The following GALNTL6 variants were observed in gnomAD, a reference collection of about 807,000 sequenced individuals.
GALNTL6 encodes polypeptide N-acetylgalactosaminyltransferase like 6.
In GALNTL6, 46 loss-of-function variants were observed where a neutral mutation model predicts 73.7. That is an observed-to-expected ratio of 0.62 (90% CI 0.49 to 0.80). GALNTL6 has a LOEUF of 0.80. Ranked by LOEUF, GALNTL6 falls within the 30% of genes least tolerant of loss-of-function variation. The pLI is 0.00. For missense variants in GALNTL6, 604 were observed against 755.0 expected (o/e 0.80, Z 2.34); for synonymous variants, 259 against 263.7 (o/e 0.98, Z 0.17).
intron 5 of GALNTL6, among the ~76,000 whole-genome samples, chr4:172,441,574 A>G (rs1731839408): frequency 6.6e-6 from 1 of 152,038 alleles, no homozygotes; most frequent in Non-Finnish European, 1.5e-5. Flanking sequence ...CTGTTTGCTG[A>G]TGATTTTGCT....
intron 8 of GALNTL6, among the ~76,000 whole-genome samples, chr4:172,923,048 C>T (rs1037404936): frequency 1.3e-5 from 2 of 152,156 alleles, no homozygotes; most frequent in African/African-American, 2.4e-5. Flanking sequence ...CAGGAAGGAC[C>T]GCTCCTTAAG....
At chr4:173,019,777 C>T (rs1314081958) in intron 11 of GALNTL6, among the ~76,000 whole-genome samples, 5 of 152,322 alleles carry the variant, frequency 3.3e-5, no homozygotes, top group East Asian at 1.9e-4. Flanking sequence ...TTCACATGCT[C>T]GTTTAGGTCA....
At chr4:172,480,706 T>C (rs1181066465) in intron 5 of GALNTL6, among the ~76,000 whole-genome samples, 9 of 152,222 alleles carry the variant, frequency 5.9e-5, no homozygotes, top group Non-Finnish European at 1.3e-4. Context: ...GTATTTCTGG[T>C]ATCTACTGGT....
intron 8 of GALNTL6, among the ~76,000 whole-genome samples, chr4:172,911,985 A>G (rs1747226463): frequency 6.6e-6 from 1 of 152,134 alleles, no homozygotes; most frequent in Non-Finnish European, 1.5e-5. Flanking sequence ...TTTTTTTCCA[A>G]AGTTTTCTAT....
At chr4:172,551,476 T>G (rs1735952323) in intron 5 of GALNTL6, among the ~76,000 whole-genome samples, 1 of 152,056 alleles carries the variant, frequency 6.6e-6, no homozygotes, top group Admixed American at 6.5e-5. Flanking sequence ...AATTTTAAAA[T>G]CATAAAATTC....
chr4:171,957,943 T>G (rs1739101263), intron 2 of GALNTL6, among the ~76,000 whole-genome samples: 1 of 152,152 alleles, frequency 6.6e-6, no homozygotes, highest in East Asian at 1.9e-4. Context: ...TTGTGATAAC[T>G]GGGGATCAAT....
At chr4:172,316,845 A>G (rs182904971) in intron 4 of GALNTL6, among the ~76,000 whole-genome samples, 92 of 152,376 alleles carry the variant, frequency 6.0e-4, no homozygotes, top group African/African-American at 2.2e-3. Context: ...GCTGGATAGC[A>G]TAATCAAAAT....
At position 172,267,790 on chromosome 4, in the gene GALNTL6, G is replaced by A. The variant is rs57216658; in HGVS notation, c.247+38026G>A. On this transcript the variant is annotated intron_variant, in intron 3 of 12. Coordinates refer to ENST00000506823, the MANE Select transcript of GALNTL6 (RefSeq NM_001034845.3). Reference sequence around the variant, plus strand: ...GGCATATTTTTTTCTCCTATGTGTAGCCTTGTTCTTGGAAGTATATGAATT... The same window carrying A: ...GGCATATTTTTTTCTCCTATGTGTAACCTTGTTCTTGGAAGTATATGAATT... Among the ~76,000 whole-genome samples the A allele has an allele frequency of 5.3e-3, 800 of 152,140 alleles. 10 individuals carry two copies. The highest frequency in any genetic ancestry group is 0.018 in the African/African-American group (758 of 41,506).
At chr4:172,597,582 C>G (rs1328293045) in intron 5 of GALNTL6, among the ~76,000 whole-genome samples, 1 of 152,082 alleles carries the variant, frequency 6.6e-6, no homozygotes, top group East Asian at 1.9e-4. Flanking sequence ...TTTGAGTTTT[C>G]TAAGAAGTGA....
intron 5 of GALNTL6, among the ~76,000 whole-genome samples, chr4:172,581,676 C>T (rs535337723): frequency 2.8e-4 from 43 of 152,320 alleles, no homozygotes; most frequent in Admixed American, 4.6e-4. Context: ...CCATCCTCAG[C>T]GTGGTATCAC....
chr4:172,765,057 T>G (rs1053406018), intron 5 of GALNTL6, among the ~76,000 whole-genome samples: 3 of 152,208 alleles, frequency 2.0e-5, no homozygotes, highest in African/African-American at 7.2e-5. Context: ...TTAATTATCC[T>G]CCTGGTTCCC....
At chr4:171,945,166 A>G (rs2111020670) in intron 2 of GALNTL6, among the ~76,000 whole-genome samples, 1 of 152,138 alleles carries the variant, frequency 6.6e-6, no homozygotes, top group East Asian at 1.9e-4. Flanking sequence ...CCCCTTTACA[A>G]CCAACTCTCC....
intron 5 of GALNTL6, among the ~76,000 whole-genome samples, chr4:172,639,006 A>G (rs1180837363): frequency 1.3e-5 from 2 of 152,114 alleles, no homozygotes; most frequent in African/African-American, 4.8e-5. Flanking sequence ...TTCTCAATGC[A>G]TCATATGAGG....
intron 2 of GALNTL6, among the ~76,000 whole-genome samples, chr4:172,036,133 C>T (rs905215411): frequency 2.6e-5 from 4 of 152,050 alleles, no homozygotes; most frequent in African/African-American, 9.7e-5. Flanking sequence ...TAAGTCATCA[C>T]AGCATAAATC....
At chr4:172,039,667 C>T (rs1350011956) in intron 2 of GALNTL6, among the ~76,000 whole-genome samples, 1 of 152,030 alleles carries the variant, frequency 6.6e-6, no homozygotes, top group Non-Finnish European at 1.5e-5. Flanking sequence ...CTGGAGACTC[C>T]CAGTCAAAAG....
At position 172,118,020 on chromosome 4, in the gene GALNTL6, A is replaced by T. The variant is rs530144907; in HGVS notation, c.139-111636A>T. On this transcript the variant is annotated intron_variant, in intron 2 of 12. Coordinates refer to ENST00000506823, the MANE Select transcript of GALNTL6 (RefSeq NM_001034845.3). ...TATCTGGGTGTATCTGTTTTTCAAA[A>T]CTGTAAAGCTAACCTTTGTGCATTA... Among the ~76,000 whole-genome samples the T allele has an allele frequency of 1.8e-4, 27 of 152,244 alleles. No individual in the cohort carries two copies. The South Asian group carries it at 5.6e-3, about 32-fold the overall frequency.
At chr4:171,982,287 T>TTTTG (rs968871266) in intron 2 of GALNTL6, among the ~76,000 whole-genome samples, 2 of 111,442 alleles carry the variant, frequency 1.8e-5, no homozygotes, top group Non-Finnish European at 4.4e-5. Flanking sequence ...GACGAAAGTA[T>TTTTG]TTTGTTTGTT....
At chr4:171,968,807 G>A (rs530894089) in intron 2 of GALNTL6, among the ~76,000 whole-genome samples, 3 of 141,648 alleles carry the variant, frequency 2.1e-5, no homozygotes, top group Non-Finnish European at 3.1e-5. Flanking sequence ...CTTCGCAATC[G>A]CCCTCCCTTG....
intron 5 of GALNTL6, among the ~76,000 whole-genome samples, chr4:172,429,286 G>T (rs535502408): frequency 6.6e-6 from 1 of 150,760 alleles, no homozygotes; most frequent in African/African-American, 2.4e-5. Flanking sequence ...ATCTCAGCTC[G>T]CTGCAACCTC....
Sources: allele counts gnomAD v4.1 joint callset (sites outside exome capture counted in the v4.1 genomes callset), GRCh38; gene constraint gnomAD v4.1.1; transcripts MANE v1.5; gene names NCBI Gene and HGNC (gene_info 2026-07-23, HGNC 2026-07-21).